The following FSTL4 variants were observed in gnomAD, a reference collection of about 807,000 sequenced individuals.
FSTL4 encodes the protein follistatin-related protein 4.
Under a neutral mutation model 78.2 loss-of-function variants are expected in FSTL4, and 28 were observed. The ratio of observed to expected loss-of-function variants is 0.36; its 90% confidence interval spans 0.27 to 0.49. FSTL4 has a LOEUF of 0.49. FSTL4 is among the 20% of genes least tolerant of loss of function. FSTL4 has a pLI of 0.98. For missense variants in FSTL4, 922 were observed against 1,084.9 expected (o/e 0.85, Z 2.11); for synonymous variants, 422 against 440.5 (o/e 0.96, Z 0.53).
the FSTL4 span, among the ~76,000 whole-genome samples, chr5:133,757,868 C>T: frequency 6.6e-6 from 1 of 152,166 alleles, no homozygotes; most frequent in African/African-American, 2.4e-5. Context: ...GTACCACCTA[C>T]AAGGATTTTA....
intron 6 of FSTL4, among the ~76,000 whole-genome samples, chr5:133,253,567 G>A (rs1561645007): frequency 6.6e-6 from 1 of 152,148 alleles, no homozygotes; most frequent in Non-Finnish European, 1.5e-5. Flanking sequence ...ACCCATGATG[G>A]TAAAAGTGAC....
At chr5:133,305,695 C>A (rs1753640836) in intron 6 of FSTL4, among the ~76,000 whole-genome samples, 1 of 152,206 alleles carries the variant, frequency 6.6e-6, no homozygotes, top group African/African-American at 2.4e-5. Context: ...CCCAGTGCTT[C>A]CCCAAGAGTG....
intron 3 of FSTL4, among the ~76,000 whole-genome samples, chr5:133,522,599 A>G (rs1759002298): frequency 6.6e-6 from 1 of 152,210 alleles, no homozygotes; most frequent in South Asian, 2.1e-4. Flanking sequence ...CTTGCAGACT[A>G]AACAATTTTC....
rs574398500 is a variant in FSTL4, at chr5:133,271,599, A to C, written c.728-22023T>G. Among the ~76,000 whole-genome samples, 3 of 152,288 alleles carry C rather than the reference A, an allele frequency of 2.0e-5. No homozygotes were observed. The South Asian group carries it at 6.2e-4, about 32-fold the overall frequency. ...AATTGAATTTTAGCCTTAATGAGAT[A>C]CCAAGTCCCTTCTGTTCTCAGTAAC... On this transcript the variant is annotated intron_variant, in intron 6 of 15. Coordinates refer to ENST00000265342, the MANE Select transcript of FSTL4 (RefSeq NM_015082.2).
the FSTL4 span, among the ~76,000 whole-genome samples, chr5:133,718,812 A>G: frequency 6.6e-6 from 1 of 152,202 alleles, no homozygotes; most frequent in Non-Finnish European, 1.5e-5. Flanking sequence ...CTTGATTATT[A>G]CCTCCTATTC....
the FSTL4 span, among the ~76,000 whole-genome samples, chr5:133,772,204 C>T: frequency 1.3e-5 from 2 of 152,140 alleles, no homozygotes; most frequent in Admixed American, 1.3e-4. Context: ...CAATTATATC[C>T]AATTTGGCTT....
At chr5:133,431,976 C>T (rs1401511018) in intron 3 of FSTL4, among the ~76,000 whole-genome samples, 3 of 152,058 alleles carry the variant, frequency 2.0e-5, no homozygotes, top group East Asian at 1.9e-4. Context: ...AATCCAAGTA[C>T]CCAAGGGTAG....
chr5:133,821,543 A>G, the FSTL4 span, among the ~76,000 whole-genome samples: 2 of 152,214 alleles, frequency 1.3e-5, no homozygotes, highest in African/African-American at 4.8e-5. Flanking sequence ...GGGCCACTCT[A>G]GAAACAGTGG....
At chr5:133,811,525 T>C in the FSTL4 span, among the ~76,000 whole-genome samples, 1 of 152,192 alleles carries the variant, frequency 6.6e-6, no homozygotes, top group African/African-American at 2.4e-5. Flanking sequence ...CACCCAACCC[T>C]GAGCCGCCTT....
At chr5:133,419,148 G>A (rs915417599) in intron 3 of FSTL4, among the ~76,000 whole-genome samples, 12 of 151,800 alleles carry the variant, frequency 7.9e-5, no homozygotes, top group African/African-American at 2.9e-4. Context: ...TATTTTTTGA[G>A]ATGGAGTCTC....
At position 133,225,182 on chromosome 5, in the gene FSTL4, G is replaced by A. The variant is rs770390751; in HGVS notation, c.1280C>T (p.Ser427Leu). The change falls in exon 10 of 16, where the codon TCG becomes TTG. Residue 427 changes from serine to leucine, a missense_variant. By Grantham distance (145) the Ser-to-Leu change is moderately radical. Coordinates refer to ENST00000265342, the MANE Select transcript of FSTL4 (RefSeq NM_015082.2). This position sits in a 1 kb window ranked among gnomAD's most constrained non-coding sequence, Gnocchi z 4.6. The stretch of plus-strand genomic sequence containing the variant: ...TCTAGCTGAGTCTTCAATGAAGAGC[G>A]AGGAGATATCTTCATCCACACCCAC... The part of the protein sequence containing the change: ...NEVGVDEDIS[S>L]LFIEDSARKT... The A allele has an allele frequency of 1.7e-5, 27 of 1,614,004 alleles. No individual in the cohort carries two copies. Among genetic ancestry groups the A allele is most frequent in the East Asian group, 1.6e-4 (7 of 44,904 alleles).
At chr5:133,433,077 G>A (rs2126997371) in intron 3 of FSTL4, among the ~76,000 whole-genome samples, 1 of 152,316 alleles carries the variant, frequency 6.6e-6, no homozygotes, top group Admixed American at 6.5e-5. Flanking sequence ...GTCAAAGAAG[G>A]AAAGAGAAAT....
At chr5:133,632,185 C>G in the FSTL4 span, among the ~76,000 whole-genome samples, 2 of 152,122 alleles carry the variant, frequency 1.3e-5, no homozygotes, top group African/African-American at 4.8e-5. Context: ...TAACACTACA[C>G]AGTCTTACTA....
chr5:133,431,954 A>G (rs1267989026), intron 3 of FSTL4, among the ~76,000 whole-genome samples: 1 of 152,180 alleles, frequency 6.6e-6, no homozygotes, highest in Admixed American at 6.5e-5. Context: ...AGAAGAACTC[A>G]TTTATATGCA....
intron 4 of FSTL4, among the ~76,000 whole-genome samples, chr5:133,317,688 C>A (rs1159401984): frequency 1.3e-5 from 2 of 152,242 alleles, no homozygotes; most frequent in African/African-American, 4.8e-5. Context: ...AGCTCTGCTG[C>A]CATCAGGCAT....
chr5:133,510,061 G>A (rs1446807179), intron 3 of FSTL4, among the ~76,000 whole-genome samples: 1 of 152,224 alleles, frequency 6.6e-6, no homozygotes, highest in African/African-American at 2.4e-5. Flanking sequence ...CTGTGCCAAG[G>A]TATTTAGTAC....
At chr5:133,232,606 A>G (rs1469443498) in intron 8 of FSTL4, among the ~76,000 whole-genome samples, 2 of 152,184 alleles carry the variant, frequency 1.3e-5, no homozygotes. Flanking sequence ...ATTCTATTTC[A>G]TCAGACGAGG....
intron 3 of FSTL4, among the ~76,000 whole-genome samples, chr5:133,453,101 C>A (rs1757415070): frequency 1.3e-5 from 2 of 152,186 alleles, no homozygotes; most frequent in Non-Finnish European, 2.9e-5. Flanking sequence ...GACTCCAGAT[C>A]CAAGCCCAGG....
intron 6 of FSTL4, among the ~76,000 whole-genome samples, chr5:133,274,224 T>C (rs1043516590): frequency 6.6e-6 from 1 of 152,076 alleles, no homozygotes; most frequent in Admixed American, 6.6e-5. Context: ...CTTTAAGCAG[T>C]TAATCCCCTC....
Sources: gnomAD v4.1 joint callset for allele counts (sites outside exome capture counted in the v4.1 genomes callset) on GRCh38, gnomAD v4.1.1 for gene constraint, Gnocchi (gnomAD v3.1) non-coding constraint, MANE v1.5 for transcripts, NCBI Gene and HGNC (gene_info 2026-07-23, HGNC 2026-07-21) for gene names.